Variants in UBASH3B observed in about 807,000 individuals in gnomAD.
The protein encoded by UBASH3B is ubiquitin-associated and SH3 domain-containing protein B.
UBASH3B carries 37 observed loss-of-function variants against 83.4 expected under a neutral mutation model. The ratio of observed to expected loss-of-function variants is 0.44; its 90% CI spans 0.34 to 0.58. The LOEUF (loss-of-function observed/expected upper bound fraction) is 0.58, where lower values mean the gene tolerates loss of function less well. UBASH3B is among the 20% of genes least tolerant of loss of function. The pLI is 0.01. For missense variants in UBASH3B, 657 were observed against 827.2 expected (o/e 0.79, Z 2.52); for synonymous variants, 304 against 318.3 (o/e 0.96, Z 0.48).
chr11:122,740,125 A>C (rs535966668), intron 1 of UBASH3B, among the ~76,000 whole-genome samples: 27 of 152,268 alleles, frequency 1.8e-4, no homozygotes, highest in African/African-American at 6.3e-4. Flanking sequence ...TCTGCAGTGC[A>C]AAGAGGAATA....
chr11:122,693,239 C>T, intron 1 of UBASH3B, among the ~76,000 whole-genome samples: 1 of 152,190 alleles, frequency 6.6e-6, no homozygotes, highest in Non-Finnish European at 1.5e-5. Flanking sequence ...GGAATGTCAT[C>T]AGTTAAGGCT....
intron 1 of UBASH3B, among the ~76,000 whole-genome samples, chr11:122,774,451 C>CATTTCATCACTTCTTTCCACCTGAGTTT (rs1423058411): frequency 6.6e-6 from 1 of 152,222 alleles, no homozygotes; most frequent in Admixed American, 6.5e-5. Flanking sequence ...GCTTTAAGCG[C>CATTTCATCACTTCTTTCCACCTGAGTTT]ATTTCATCAC....
chr11:122,664,521 T>A (rs1223409292), intron 1 of UBASH3B, among the ~76,000 whole-genome samples: 1 of 152,214 alleles, frequency 6.6e-6, no homozygotes, highest in Non-Finnish European at 1.5e-5. Context: ...CAAAGGCTTA[T>A]GGAGAATCTG....
At chr11:122,775,990 G>A (rs1359513944) in intron 1 of UBASH3B, 4 of 460,880 alleles carry the variant, frequency 8.7e-6, no homozygotes, top group African/African-American at 4.1e-5. Flanking sequence ...TGGGCTGTCA[G>A]ACTGCATGCA....
intron 11 of UBASH3B, among the ~76,000 whole-genome samples, chr11:122,804,539 T>TA (rs1242803544): frequency 6.6e-6 from 1 of 152,180 alleles, no homozygotes; most frequent in Non-Finnish European, 1.5e-5. Flanking sequence ...TAAGAGTTGC[T>TA]AACGGTGTTA....
intron 1 of UBASH3B, among the ~76,000 whole-genome samples, chr11:122,749,997 T>G (rs978553219): frequency 6.6e-5 from 10 of 152,196 alleles, no homozygotes. Context: ...CTTCCCAAAG[T>G]GCTGGGATTA....
chr11:122,772,444 G>A (rs1860661562), intron 1 of UBASH3B, among the ~76,000 whole-genome samples: 1 of 151,814 alleles, frequency 6.6e-6, no homozygotes, highest in African/African-American at 2.4e-5. Context: ...AAAGAGAGTA[G>A]AAGGAAAAGA....
Position 122,759,954 on chromosome 11 carries a change from G to A in UBASH3B, c.162-16265G>A, listed in dbSNP as rs1168948320. Among the ~76,000 whole-genome samples the A allele has an allele frequency of 6.6e-6, 1 of 152,200 alleles. No individual in the cohort carries two copies. The highest frequency in any genetic ancestry group is 6.5e-5 in the Admixed American group (1 of 15,284). The stretch of plus-strand genomic sequence containing the variant: ...CATAGGTCTCACCTACACTTGAGGG[G>A]AGGGAATTATACAAAGGAGTGAACA... On this transcript the variant is annotated intron_variant, in intron 1 of 13. Transcript: ENST00000284273. This position sits in a 1 kb window ranked among gnomAD's most constrained non-coding sequence, Gnocchi z 4.1.
At chr11:122,752,777 G>A (rs948883283) in intron 1 of UBASH3B, among the ~76,000 whole-genome samples, 6 of 152,206 alleles carry the variant, frequency 3.9e-5, no homozygotes, top group African/African-American at 9.6e-5. Flanking sequence ...AGTGGGACTC[G>A]AAAGCGACTT....
intron 3 of UBASH3B, among the ~76,000 whole-genome samples, chr11:122,777,913 A>G (rs1481941211): frequency 6.6e-6 from 1 of 151,782 alleles, no homozygotes; most frequent in Non-Finnish European, 1.5e-5. Flanking sequence ...TATTTTTAGT[A>G]GAGACGGGGT....
intron 5 of UBASH3B, among the ~76,000 whole-genome samples, chr11:122,784,326 T>C (rs1038394931): frequency 6.6e-6 from 1 of 152,180 alleles, no homozygotes; most frequent in Non-Finnish European, 1.5e-5. Context: ...CAAGAGCCCA[T>C]GTATTTTGAC....
chr11:122,715,006 C>T (rs931852360), intron 1 of UBASH3B, among the ~76,000 whole-genome samples: 6 of 152,114 alleles, frequency 3.9e-5, no homozygotes, highest in South Asian at 4.1e-4. Flanking sequence ...AGTGCAGTGG[C>T]GTGATCTCGG....
At chr11:122,768,218 A>C (rs1056054266) in intron 1 of UBASH3B, among the ~76,000 whole-genome samples, 1 of 152,096 alleles carries the variant, frequency 6.6e-6, no homozygotes, top group African/African-American at 2.4e-5. Flanking sequence ...AGAGAAGTAG[A>C]TATCTCAGAC....
At chr11:122,777,292 C>A (rs1397087958) in intron 3 of UBASH3B, 82 bp downstream of exon 3, 2 of 1,436,116 alleles carry the variant, frequency 1.4e-6, no homozygotes, top group African/African-American at 1.4e-5. Context: ...CAAAGGGAGG[C>A]CTCGCAGGAA....
At chr11:122,776,001 A>G in intron 1 of UBASH3B, 1 of 478,546 alleles carries the variant, frequency 2.1e-6, no homozygotes, top group Non-Finnish European at 3.6e-6. Context: ...ACTGCATGCA[A>G]ATCTGATGCT....
intron 1 of UBASH3B, among the ~76,000 whole-genome samples, chr11:122,687,753 C>T (rs1242538032): frequency 1.3e-5 from 2 of 152,086 alleles, no homozygotes; most frequent in Non-Finnish European, 2.9e-5. Flanking sequence ...TTTCCCCCAC[C>T]ACACCTCTGA....
rs143445843 is a variant in UBASH3B at position 122,680,275 on chromosome 11, T to A, written c.161+24065T>A. Among the ~76,000 whole-genome samples, 363 of 152,278 alleles carry A rather than the reference T, an allele frequency of 2.4e-3. 1 individual carries two copies. Among genetic ancestry groups the A allele is most frequent in the South Asian group, 6.6e-3 (32 of 4,824 alleles). On this transcript the variant is annotated intron_variant, in intron 1 of 13. Transcript: ENST00000284273. ...TGTATCTTCAGCTTCAAATAAAACCTCCTGAACTATATGCTTCAGAGAGTG... is the reference window on the plus strand; with the variant it reads ...TGTATCTTCAGCTTCAAATAAAACCACCTGAACTATATGCTTCAGAGAGTG...
chr11:122,714,494 G>C (rs769596411), intron 1 of UBASH3B, among the ~76,000 whole-genome samples: 1 of 152,198 alleles, frequency 6.6e-6, no homozygotes, highest in Non-Finnish European at 1.5e-5. Context: ...GCAAGTGAGA[G>C]GCAGACCTCT....
At chr11:122,751,648 T>C (rs1469815675) in intron 1 of UBASH3B, among the ~76,000 whole-genome samples, 2 of 152,210 alleles carry the variant, frequency 1.3e-5, no homozygotes, top group Non-Finnish European at 2.9e-5. Flanking sequence ...CCTGGGAAGA[T>C]GGTGTTTATT....
Sources: allele counts gnomAD v4.1 joint callset (sites outside exome capture counted in the v4.1 genomes callset), GRCh38; gene constraint gnomAD v4.1.1; non-coding constraint Gnocchi (gnomAD v3.1); transcripts MANE v1.5; gene names NCBI Gene and HGNC (gene_info 2026-07-23, HGNC 2026-07-21).